Variants in LMBRD1 observed in about 807,000 individuals in gnomAD.
LMBRD1 encodes the protein LMBR1 domain containing 1, also known as lysosomal cobalamin transport escort protein LMBD1.
In LMBRD1, 64 loss-of-function variants were observed where a neutral mutation model predicts 74.8. The ratio of observed to expected loss-of-function variants is 0.86; its 90% CI spans 0.70 to 1.05. The LOEUF is 1.05. Ranked by LOEUF, LMBRD1 falls within the 50% of genes least tolerant of loss-of-function variation. The pLI is 0.00. For missense variants in LMBRD1, 652 were observed against 645.9 expected (o/e 1.01, Z -0.10); for synonymous variants, 204 against 216.3 (o/e 0.94, Z 0.50).
rs6917742 is a variant in LMBRD1, at chr6:69,752,640, A to G, written c.308-284T>C. ...GTCAAGAACAATTGTGGCAGCTGACATATGAGCTCTTACTCTGTACTAACT... is the reference window on the plus strand; with the variant it reads ...GTCAAGAACAATTGTGGCAGCTGACGTATGAGCTCTTACTCTGTACTAACT... On this transcript the variant is annotated intron_variant, in intron 3 of 15. Transcript: ENST00000649934. Among the ~76,000 whole-genome samples, 1,058 of 152,350 alleles carry G rather than the reference A, an allele frequency of 6.9e-3. 15 individuals are homozygous for G. Among genetic ancestry groups the G allele is most frequent in the African/African-American group, 0.021 (884 of 41,592 alleles).
At chr6:69,726,689 T>A (rs911630179) in intron 7 of LMBRD1, among the ~76,000 whole-genome samples, 1 of 150,912 alleles carries the variant, frequency 6.6e-6, no homozygotes, top group African/African-American at 2.4e-5. Flanking sequence ...ACAATTGAAC[T>A]CGTGGAAACA....
chr6:69,701,691 C>A, intron 10 of LMBRD1, 146 bp from the exon 11 acceptor site: 1 of 679,564 alleles, frequency 1.5e-6, no homozygotes, highest in Non-Finnish European at 2.6e-6. Flanking sequence ...TATCTCACAG[C>A]TATTGTTCAA....
intron 14 of LMBRD1, among the ~76,000 whole-genome samples, chr6:69,694,963 A>G (rs1204143067): frequency 6.6e-6 from 1 of 152,088 alleles, no homozygotes; most frequent in Non-Finnish European, 1.5e-5. Flanking sequence ...ATATGTCCTG[A>G]GCTCATCCTT....
chr6:69,690,933 C>T (rs1480488079), intron 14 of LMBRD1, among the ~76,000 whole-genome samples: 1 of 152,136 alleles, frequency 6.6e-6, no homozygotes, highest in Non-Finnish European at 1.5e-5. Flanking sequence ...AAAGCATCAA[C>T]ACTATTGATC....
chr6:69,752,503 T>C, intron 3 of LMBRD1, 147 bp from the exon 4 acceptor site: 1 of 637,806 alleles, frequency 1.6e-6, no homozygotes. Context: ...TAGTACATGA[T>C]GCCCAAATAG....
In LMBRD1 at chr6:69,708,704, G is replaced by T. The variant is rs1223915453; in HGVS notation, c.915+4941C>A. Among the ~76,000 whole-genome samples the T allele has an allele frequency of 2.6e-5, 4 of 151,438 alleles. No individual in the cohort carries two copies. The East Asian group carries it at 5.8e-4, about 22-fold the overall frequency. ...AAAAATTGTAACTTTTTTTACATTTGCAAAAATTTAAATTTAATTCATTTC... is the reference window on the plus strand; with the variant it reads ...AAAAATTGTAACTTTTTTTACATTTTCAAAAATTTAAATTTAATTCATTTC... On this transcript the variant is annotated intron_variant, in intron 9 of 15. Transcript: ENST00000649934.
intron 3 of LMBRD1, among the ~76,000 whole-genome samples, chr6:69,777,181 GT>G (rs1765723117): frequency 6.6e-6 from 1 of 152,010 alleles, no homozygotes; most frequent in South Asian, 2.1e-4. Flanking sequence ...GGCACAATGA[GT>G]GGCTCCCATC....
At chr6:69,752,180 T>C (rs548592590) in intron 4 of LMBRD1, 79 bp downstream of exon 4, 4 of 1,425,288 alleles carry the variant, frequency 2.8e-6, no homozygotes, top group East Asian at 4.9e-5. Context: ...TAGAAAAAAT[T>C]CAGTCATTCA....
chr6:69,773,846 G>T (rs149971677), intron 3 of LMBRD1, among the ~76,000 whole-genome samples: 2 of 152,084 alleles, frequency 1.3e-5, no homozygotes, highest in African/African-American at 2.4e-5. Flanking sequence ...ATAAACTACG[G>T]TATGTTAATA....
intron 3 of LMBRD1, among the ~76,000 whole-genome samples, chr6:69,773,630 C>G (rs1293187356): frequency 1.3e-5 from 2 of 152,070 alleles, no homozygotes; most frequent in Non-Finnish European, 2.9e-5. Context: ...TTGACTCACT[C>G]CTATTTTTAC....
At chr6:69,754,221 A>G (rs1306766165) in intron 3 of LMBRD1, among the ~76,000 whole-genome samples, 1 of 152,202 alleles carries the variant, frequency 6.6e-6, no homozygotes, top group Non-Finnish European at 1.5e-5. Context: ...AATGGCACCA[A>G]TGGCTGCATA....
Position 69,674,672 on chromosome 6 carries a change from C to T in LMBRD1, c.*1486G>A, listed in dbSNP as rs1237106418. The stretch of plus-strand genomic sequence containing the variant: ...GAAGCCAAGGGTATGTGAGATTGTC[C>T]ACAAAGAAAATGTAATATAAGGCCG... On this transcript the variant is annotated 3_prime_UTR_variant, in exon 16 of 16. Transcript: ENST00000649934. Among the ~76,000 whole-genome samples, 1 of 152,032 alleles carries T rather than the reference C, an allele frequency of 6.6e-6. No homozygotes were observed. The highest frequency in any genetic ancestry group is 1.5e-5 in the Non-Finnish European group (1 of 67,966).
At chr6:69,741,098 TCTTA>T (rs1767091682) in intron 6 of LMBRD1, among the ~76,000 whole-genome samples, 1 of 152,124 alleles carries the variant, frequency 6.6e-6, no homozygotes, top group South Asian at 2.1e-4. Context: ...TAAGGTTCTC[TCTTA>T]CTAATTAAAA....
chr6:69,719,827 A>G (rs911687995), intron 7 of LMBRD1, among the ~76,000 whole-genome samples: 1 of 152,184 alleles, frequency 6.6e-6, no homozygotes, highest in Admixed American at 6.5e-5. Flanking sequence ...TGGATACTAC[A>G]TTATGTACTT....
intron 14 of LMBRD1, among the ~76,000 whole-genome samples, chr6:69,697,229 T>C (rs1766022820): frequency 6.6e-6 from 1 of 152,070 alleles, no homozygotes; most frequent in African/African-American, 2.4e-5. Context: ...TAAGTACTTT[T>C]GGTCTTGGTA....
chr6:69,754,808 T>A (rs1006088251), intron 3 of LMBRD1, among the ~76,000 whole-genome samples: 1 of 152,150 alleles, frequency 6.6e-6, no homozygotes. Context: ...AAAGAAGACA[T>A]TTATGCAGCC....
intron 7 of LMBRD1, among the ~76,000 whole-genome samples, chr6:69,723,132 C>T (rs1304290924): frequency 6.6e-6 from 1 of 152,016 alleles, no homozygotes; most frequent in Non-Finnish European, 1.5e-5. Context: ...GAGGATATAA[C>T]AATTATAAAT....
intron 8 of LMBRD1, among the ~76,000 whole-genome samples, chr6:69,718,626 A>C (rs900244484): frequency 2.0e-5 from 3 of 152,196 alleles, no homozygotes; most frequent in African/African-American, 7.2e-5. Context: ...ATGTGGCGGC[A>C]GGAAGGAGAA....
chr6:69,678,565 A>G (rs1287653215), intron 14 of LMBRD1, among the ~76,000 whole-genome samples: 2 of 152,166 alleles, frequency 1.3e-5, no homozygotes, highest in Non-Finnish European at 2.9e-5. Context: ...AAATTTCAGA[A>G]GGCCTACTTC....
Sources: allele counts gnomAD v4.1 joint callset (sites outside exome capture counted in the v4.1 genomes callset), GRCh38; gene constraint gnomAD v4.1.1; transcripts MANE v1.5; gene names NCBI Gene and HGNC (gene_info 2026-07-23, HGNC 2026-07-21).